CCND3: variants seen among roughly 807,000 people sequenced by gnomAD.
CCND3 encodes cyclin D3.
CCND3 carries 9 observed loss-of-function variants against 28.7 expected under a neutral mutation model. The observed-to-expected ratio is 0.31, with a 90% CI of 0.19 to 0.55. The LOEUF (loss-of-function observed/expected upper bound fraction) is 0.55. CCND3 is among the 20% of genes least tolerant of loss of function. The pLI, the probability that CCND3 is intolerant of heterozygous loss-of-function variation, is 0.93. For synonymous variants in CCND3, 164 were observed against 163.9 expected (o/e 1.00, Z 0.00); for missense variants, 315 against 385.8 (o/e 0.82, Z 1.54).
rs1296927261 is a variant in CCND3 at position 41,941,778 on chromosome 6, G to GC, written c.-130dup. On this transcript the variant is annotated 5_prime_UTR_variant, in exon 1 of 5. Transcript: ENST00000372991. This position sits in a 1 kb window ranked among gnomAD's most constrained non-coding sequence, Gnocchi z 6.1. ...TGCGCGGCGGATCCCCAGCCCGCCC[G>GC]CCGCCCGCGCGCGCGCGCCGCTTCC... The GC allele has an allele frequency of 1.3e-4, 49 of 380,896 alleles. No individual in the cohort carries two copies. Among genetic ancestry groups the GC allele is most frequent in the African/African-American group, 5.9e-4 (6 of 10,128 alleles). The allele number at this position is 380,896 out of a possible 1,614,324, so 23.6% of individuals were successfully genotyped here. A position where few individuals can be genotyped will look rare whatever the true frequency, so the allele number is the denominator to read the frequency against.
At chr6:41,978,727 G>T (rs1422553424) in intron 1 of CCND3, among the ~76,000 whole-genome samples, 2 of 152,128 alleles carry the variant, frequency 1.3e-5, no homozygotes, top group African/African-American at 4.8e-5. Flanking sequence ...TACACCCAGA[G>T]AGAAATACTC....
At chr6:41,997,109 C>A (rs960308593) in intron 1 of CCND3, among the ~76,000 whole-genome samples, 2 of 152,166 alleles carry the variant, frequency 1.3e-5, no homozygotes, top group African/African-American at 4.8e-5. Context: ...ACAGAAAGGA[C>A]CTGTCTTCTT....
At chr6:42,041,309 G>T (rs926131092) in intron 1 of CCND3, among the ~76,000 whole-genome samples, 1 of 152,170 alleles carries the variant, frequency 6.6e-6, no homozygotes. Flanking sequence ...GGAGATCAAG[G>T]GATATGAGAG....
intron 2 of CCND3, 25 bp from the exon 3 acceptor site, chr6:41,937,419 G>T: frequency 6.2e-7 from 1 of 1,613,578 alleles, no homozygotes; most frequent in East Asian, 2.2e-5. Flanking sequence ...AAAGGGTGGG[G>T]TCAGTGGCTG....
intron 1 of CCND3, among the ~76,000 whole-genome samples, chr6:41,952,735 C>T (rs1156787731): frequency 6.6e-6 from 1 of 152,066 alleles, no homozygotes; most frequent in Non-Finnish European, 1.5e-5. Context: ...GGACTCCAAC[C>T]AAGGCAATCA....
At chr6:41,995,885 C>G (rs1762785173) in intron 1 of CCND3, among the ~76,000 whole-genome samples, 1 of 151,616 alleles carries the variant, frequency 6.6e-6, no homozygotes, top group Non-Finnish European at 1.5e-5. Flanking sequence ...GAGACCCTGT[C>G]TCTATTTCTT....
At chr6:41,978,159 G>A (rs6939464) in intron 1 of CCND3, among the ~76,000 whole-genome samples, 23,138 of 151,550 alleles carry the variant, frequency 0.15, 2,031 homozygotes, top group African/African-American at 0.24. Flanking sequence ...TGGATCACGA[G>A]GTCAGGAGAT....
intron 1 of CCND3, among the ~76,000 whole-genome samples, chr6:42,038,209 TTACC>T (rs1185872395): frequency 6.6e-6 from 1 of 152,058 alleles, no homozygotes; most frequent in Non-Finnish European, 1.5e-5. Context: ...ATTCACATTT[TTACC>T]TCTTGGCCCC....
At chr6:41,978,179 C>G (rs1762234717) in intron 1 of CCND3, among the ~76,000 whole-genome samples, 1 of 151,438 alleles carries the variant, frequency 6.6e-6, no homozygotes, top group South Asian at 2.1e-4. Context: ...TCGAGACCAT[C>G]CTGGCTACCA....
chr6:41,949,949 A>AG (rs933253228), intron 1 of CCND3, among the ~76,000 whole-genome samples: 23 of 151,786 alleles, frequency 1.5e-4, no homozygotes, highest in African/African-American at 4.4e-4. Context: ...CAAAAAAAAA[A>AG]AAAAATAGCC....
intron 1 of CCND3, among the ~76,000 whole-genome samples, chr6:42,003,845 G>T (rs142847950): frequency 0.017 from 2,543 of 150,722 alleles, 81 homozygotes; most frequent in African/African-American, 0.057. Context: ...AGGAGGCTGA[G>T]GTGGGAGGAT....
intron 1 of CCND3, chr6:41,940,878 G>C: frequency 7.2e-7 from 1 of 1,384,244 alleles, no homozygotes; most frequent in African/African-American, 1.4e-5. Context: ...GCGAGGGGAA[G>C]TGGGACGCAA....
At chr6:41,937,144 T>C in intron 3 of CCND3, 91 bp downstream of exon 3, 2 of 1,404,078 alleles carry the variant, frequency 1.4e-6, no homozygotes, top group South Asian at 1.2e-5. Context: ...AAAGGAATTT[T>C]GACAGTATAA....
At chr6:42,022,176 C>T (rs1443498754) in intron 1 of CCND3, among the ~76,000 whole-genome samples, 1 of 152,168 alleles carries the variant, frequency 6.6e-6, no homozygotes. Flanking sequence ...GAGAGATCCA[C>T]GATCATCTTG....
At position 41,936,548 on chromosome 6, in the gene CCND3, C is replaced by T. The variant is rs1321748323; in HGVS notation, c.711+11G>A. ...AATGGAGAGGCTGCTGCCCAGCTAC[C>T]CAGCACTCACCACTTCAGTGCCAGT... On this transcript the variant is annotated intron_variant, in intron 4 of 4. Coordinates refer to ENST00000372991, the MANE Select transcript of CCND3 (RefSeq NM_001760.5). This position sits in a 1 kb window ranked among gnomAD's most constrained non-coding sequence, Gnocchi z 4.4. 1 of 1,613,932 alleles carries T rather than the reference C, an allele frequency of 6.2e-7. No individual in the cohort carries two copies. Among genetic ancestry groups the T allele is most frequent in the South Asian group, 1.1e-5 (1 of 91,066 alleles).
intron 1 of CCND3, among the ~76,000 whole-genome samples, chr6:41,995,122 T>A (rs1762763308): frequency 1.3e-5 from 2 of 152,230 alleles, no homozygotes; most frequent in African/African-American, 2.4e-5. Flanking sequence ...TTAGTTAAAA[T>A]TTTTATTTAT....
intron 1 of CCND3, among the ~76,000 whole-genome samples, chr6:41,990,854 T>C (rs1289625181): frequency 1.3e-5 from 2 of 151,668 alleles, no homozygotes; most frequent in African/African-American, 2.4e-5. Context: ...CTAATTTTTG[T>C]ATTTTTAGTA....
chr6:41,973,590 G>A (rs1762091846), intron 1 of CCND3, among the ~76,000 whole-genome samples: 1 of 152,112 alleles, frequency 6.6e-6, no homozygotes, highest in South Asian at 2.1e-4. Context: ...TCCTGGAGTT[G>A]GACTGACCTG....
chr6:42,026,354 A>G (rs971543081), intron 1 of CCND3, among the ~76,000 whole-genome samples: 6 of 151,978 alleles, frequency 3.9e-5, no homozygotes, highest in Admixed American at 6.5e-5. Flanking sequence ...TGCTCCTGGA[A>G]GAAGGGCTCC....
Sources: allele counts gnomAD v4.1 joint callset (sites outside exome capture counted in the v4.1 genomes callset), GRCh38; gene constraint gnomAD v4.1.1; non-coding constraint Gnocchi (gnomAD v3.1); transcripts MANE v1.5; gene names NCBI Gene and HGNC (gene_info 2026-07-23, HGNC 2026-07-21).